The following GUCY1B1 variants were observed in gnomAD, a reference collection of about 807,000 sequenced individuals.
GUCY1B1 encodes the protein guanylate cyclase 1 soluble subunit beta 1, also known as guanylate cyclase soluble subunit beta-1.
In GUCY1B1, 43 loss-of-function variants were observed where a neutral mutation model predicts 71.0. That is an observed-to-expected ratio of 0.61 (90% confidence interval 0.47 to 0.78). The LOEUF (loss-of-function observed/expected upper bound fraction) is 0.78. Among genes scored for constraint, GUCY1B1 ranks in the 30% least tolerant of loss-of-function variants. The probability of loss-of-function intolerance (pLI) is 0.00; values close to 1 mark genes in which losing one functional copy is unlikely to be tolerated. For synonymous variants in GUCY1B1, 266 were observed against 259.7 expected (o/e 1.02, Z -0.23); for missense variants, 535 against 754.1 (o/e 0.71, Z 3.40).
chr4:155,759,145 T>C lies in GUCY1B1; in HGVS notation c.3+2T>C, dbSNP rs1736760120. 6.3e-7 allele frequency: 1 copy of C among 1,589,506 alleles called. No homozygotes were observed. ...CCGGCTCCCGGTGCAGACACCATGG[T>C]AAGTGCTCTCAGCCGGGTGCGGCCC... On this transcript the variant is annotated splice_donor_variant, in intron 1 of 13. Transcript: ENST00000264424. LOFTEE classifies it high-confidence loss of function.
At chr4:155,806,195 G>A (rs993394431) in intron 13 of GUCY1B1, among the ~76,000 whole-genome samples, 191 bp from the exon 14 acceptor site, 16 of 152,090 alleles carry the variant, frequency 1.1e-4, no homozygotes, top group Non-Finnish European at 2.9e-5. Context: ...AAACTAAGCC[G>A]TAATTACCTC....
chr4:155,774,344 A>G, intron 2 of GUCY1B1, among the ~76,000 whole-genome samples: 1 of 152,028 alleles, frequency 6.6e-6, no homozygotes, highest in East Asian at 1.9e-4. Context: ...TCTGCCCAGA[A>G]CACAATCTCT....
chr4:155,805,130 T>G lies in GUCY1B1; in HGVS notation c.1737T>G (p.Asp579Glu). 6.2e-7 allele frequency: 1 copy of G among 1,612,102 alleles called. No individual in the cohort carries two copies. The highest frequency in any genetic ancestry group is 1.1e-5 in the South Asian group (1 of 91,010). The change falls in exon 13 of 14, where the codon GAT (aspartate) becomes GAG (glutamate). Residue 579 changes from aspartate to glutamate, a missense_variant. Transcript: ENST00000264424. ...GTCTTATGTCTCCAGAAAATTCAGA[T>G]CCACAATTCCACTTGGAGCACAGAG... The part of the protein sequence containing the change: ...YRCLMSPENS[D>E]PQFHLEHRGP...
At chr4:155,786,715 C>T (rs1344725238) in intron 4 of GUCY1B1, among the ~76,000 whole-genome samples, 1 of 151,902 alleles carries the variant, frequency 6.6e-6, no homozygotes, top group Non-Finnish European at 1.5e-5. Context: ...CCTTGTGATC[C>T]GCCCGCCTTG....
rs866590185 is a variant in GUCY1B1 at position 155,768,462 on chromosome 4, T to G, written c.78-6506T>G. Among the ~76,000 whole-genome samples the G allele has an allele frequency of 3.9e-3, 583 of 150,848 alleles. 4 individuals are homozygous for G. The highest frequency in any genetic ancestry group is 0.013 in the African/African-American group (542 of 41,246). On this transcript the variant is annotated intron_variant, in intron 2 of 13. Coordinates refer to ENST00000264424, the MANE Select transcript of GUCY1B1 (RefSeq NM_000857.5). ...AATGTTTGATTACTTGTTTGTTTTTTTTTTTTTTTTTTGTAGGGAGCTTGG... is the reference window on the plus strand; with the variant it reads ...AATGTTTGATTACTTGTTTGTTTTTGTTTTTTTTTTTTGTAGGGAGCTTGG...
At chr4:155,776,440 T>G (rs1284472793) in intron 3 of GUCY1B1, among the ~76,000 whole-genome samples, 1 of 152,072 alleles carries the variant, frequency 6.6e-6, no homozygotes, top group East Asian at 1.9e-4. Context: ...GAGGCCGAGG[T>G]GGGTGGATCA....
At chr4:155,806,139 A>G (rs1740295577) in intron 13 of GUCY1B1, among the ~76,000 whole-genome samples, 1 of 152,130 alleles carries the variant, frequency 6.6e-6, no homozygotes, top group South Asian at 2.1e-4. Context: ...TTTAACATTA[A>G]ATCATTTTCC....
intron 4 of GUCY1B1, among the ~76,000 whole-genome samples, chr4:155,788,119 A>G (rs1738922123): frequency 6.6e-6 from 1 of 152,208 alleles, no homozygotes; most frequent in Admixed American, 6.5e-5. Flanking sequence ...CTATGGTTTC[A>G]TAAGTTGGAA....
chr4:155,767,042 A>G (rs1737384231), intron 2 of GUCY1B1, among the ~76,000 whole-genome samples: 1 of 152,152 alleles, frequency 6.6e-6, no homozygotes, highest in Non-Finnish European at 1.5e-5. Context: ...TAGAGGCGTA[A>G]AAGAAAGCCT....
In GUCY1B1 at chr4:155,763,344, C is replaced by G. The variant is rs113046329; in HGVS notation, c.77+3484C>G. ...ATATGCACCACCACACCCAGCCCAA[C>G]TTTAGATTTTTTAACCTCACTGAAA... On this transcript the variant is annotated intron_variant, in intron 2 of 13. Transcript: ENST00000264424. 6.3e-3 allele frequency among the ~76,000 whole-genome samples: 961 copies of G among 152,180 alleles called. 8 individuals carry two copies. Among genetic ancestry groups the G allele is most frequent in the African/African-American group, 0.022 (925 of 41,538 alleles).
At chr4:155,759,995 C>G (rs1030099239) in intron 2 of GUCY1B1, 135 bp downstream of exon 2, 6 of 617,048 alleles carry the variant, frequency 9.7e-6, no homozygotes, top group East Asian at 2.9e-5. Context: ...GCCTCGCTCC[C>G]GGCTCGCTGC....
rs200941293 is a variant in GUCY1B1, at chr4:155,804,593, A to G, written c.1555A>G (p.Ile519Val). ...TGAAGCAAAGCTTTCTTTTTTGCAG[A>G]TAACAATAGGGATACACACTGGAGA... ...QVQVDGESVQ[I>V]TIGIHTGEVV... Residue 519 changes from isoleucine to valine, a missense_variant and splice_region_variant, in exon 12 of 14, where the codon ATA becomes GTA. By Grantham distance (29) the Ile-to-Val change is conservative (BLOSUM62 3). Coordinates refer to ENST00000264424, the MANE Select transcript of GUCY1B1 (RefSeq NM_000857.5). 1.1e-4 allele frequency: 175 copies of G among 1,597,780 alleles called. 1 individual carries two copies. The highest frequency in any genetic ancestry group is 1.4e-4 in the Non-Finnish European group (164 of 1,173,992).
At chr4:155,804,528 A>AT (rs1322834747) in intron 11 of GUCY1B1, 65 bp from the exon 12 acceptor site, 5 of 1,299,680 alleles carry the variant, frequency 3.8e-6, no homozygotes, top group Non-Finnish European at 5.5e-6. Context: ...TTAAAGTAAA[A>AT]TAAAAAAAAA....
chr4:155,800,825 T>A (rs1299360786), intron 9 of GUCY1B1, among the ~76,000 whole-genome samples: 3 of 152,208 alleles, frequency 2.0e-5, no homozygotes, highest in Admixed American at 1.3e-4. Context: ...CGTTTTTTAA[T>A]GTTTATATAA....
Position 155,759,824 on chromosome 4 carries a change from T to C in GUCY1B1, c.41T>C (p.Ile14Thr). The part of the protein sequence containing the change: ...FVNHALELLV[I>T]RNYGPEVWED... ...AATCACGCCCTGGAGTTGCTGGTGA[T>C]CCGCAATTACGGCCCCGAGGTGTGG... Residue 14 changes from isoleucine (I) to threonine (T), a missense_variant, in exon 2 of 14, where the codon ATC becomes ACC. Ile to Thr is a moderately conservative substitution (Grantham distance 89, BLOSUM62 -1). Transcript: ENST00000264424. 1.2e-6 allele frequency: 2 copies of C among 1,612,984 alleles called. No individual in the cohort carries two copies. The highest frequency in any genetic ancestry group is 2.2e-5 in the South Asian group (2 of 91,032).
chr4:155,776,086 T>G (rs1306608393), intron 3 of GUCY1B1, among the ~76,000 whole-genome samples: 1 of 152,204 alleles, frequency 6.6e-6, no homozygotes, highest in East Asian at 1.9e-4. Flanking sequence ...TATTATCAAT[T>G]TGGCAGTCTT....
rs554977794 is a variant in GUCY1B1, at chr4:155,769,368, A to C, written c.78-5600A>C. On this transcript the variant is annotated intron_variant, in intron 2 of 13. Coordinates refer to ENST00000264424, the MANE Select transcript of GUCY1B1 (RefSeq NM_000857.5). ...CTTTATCTAGGTTTACTTGTTAGCCAATGAAAGTGCTTTTAAACTTGAACC... is the reference window on the plus strand; with the variant it reads ...CTTTATCTAGGTTTACTTGTTAGCCCATGAAAGTGCTTTTAAACTTGAACC... 2.0e-5 allele frequency among the ~76,000 whole-genome samples: 3 copies of C among 152,244 alleles called. No homozygotes were observed. The South Asian group carries it at 6.2e-4, about 32-fold the overall frequency.
chr4:155,790,688 A>T (rs780690461), intron 5 of GUCY1B1, among the ~76,000 whole-genome samples: 1 of 152,220 alleles, frequency 6.6e-6, no homozygotes, highest in Non-Finnish European at 1.5e-5. Context: ...TAGAAAACCT[A>T]TTAGACAGTT....
chr4:155,781,005 A>T (rs1738381287), intron 4 of GUCY1B1, among the ~76,000 whole-genome samples: 1 of 152,198 alleles, frequency 6.6e-6, no homozygotes, highest in Non-Finnish European at 1.5e-5. Flanking sequence ...CACTCATCAT[A>T]GCAAGCAGAA....
Sources: allele counts gnomAD v4.1 joint callset (sites outside exome capture counted in the v4.1 genomes callset), GRCh38; gene constraint gnomAD v4.1.1; transcripts MANE v1.5; gene names NCBI Gene and HGNC (gene_info 2026-07-23, HGNC 2026-07-21).